RBFOX1: variants seen among roughly 807,000 people sequenced by gnomAD.
RBFOX1 encodes the protein RNA binding protein fox-1 homolog 1.
A neutral mutation model predicts 57.7 loss-of-function variants in RBFOX1; 8 were observed. The ratio of observed to expected loss-of-function variants is 0.14; its 90% CI spans 0.08 to 0.25. The LOEUF (loss-of-function observed/expected upper bound fraction) is 0.25, where lower values mean the gene tolerates loss of function less well. Ranked by LOEUF, RBFOX1 falls within the 10% of genes least tolerant of loss-of-function variation. The pLI, the probability that RBFOX1 is intolerant of heterozygous loss-of-function variation, is 1.00. For missense variants in RBFOX1, 611 were observed against 548.5 expected (o/e 1.11, Z -1.14); for synonymous variants, 326 against 222.4 (o/e 1.47, Z -4.15).
chr16:6,232,078 C>G (rs2097466184), intron 1 of RBFOX1, among the ~76,000 whole-genome samples: 1 of 152,096 alleles, frequency 6.6e-6, no homozygotes, highest in African/African-American at 2.4e-5. Context: ...CCTCCGTGAG[C>G]TTTGTGTTTC....
chr16:6,258,005 C>G (rs1020992257), intron 1 of RBFOX1, among the ~76,000 whole-genome samples: 3 of 152,174 alleles, frequency 2.0e-5, no homozygotes, highest in Admixed American at 6.6e-5. Flanking sequence ...GCCACACTGC[C>G]TTCTACAAAG....
chr16:6,942,669 G>C (rs2078758790), intron 3 of RBFOX1, among the ~76,000 whole-genome samples: 1 of 152,148 alleles, frequency 6.6e-6, no homozygotes, highest in Admixed American at 6.5e-5. Context: ...GGATAAGATG[G>C]TGTCTGACTT....
chr16:5,335,011 A>G (rs758436244), intron 1 of RBFOX1, among the ~76,000 whole-genome samples: 3 of 152,126 alleles, frequency 2.0e-5, no homozygotes, highest in Non-Finnish European at 4.4e-5. Flanking sequence ...AGTATGCCCA[A>G]TTTCAATTCT....
At chr16:6,495,745 T>C (rs1358659231) in intron 2 of RBFOX1, among the ~76,000 whole-genome samples, 1 of 152,160 alleles carries the variant, frequency 6.6e-6, no homozygotes, top group African/African-American at 2.4e-5. Flanking sequence ...CAGCTCTCAA[T>C]AGCAGTATGT....
intron 4 of RBFOX1, among the ~76,000 whole-genome samples, chr16:7,262,761 A>C (rs2094967885): frequency 2.0e-5 from 3 of 152,264 alleles, no homozygotes; most frequent in Non-Finnish European, 2.9e-5. Flanking sequence ...ATGGCAGAAG[A>C]GTTACTGCAA....
intron 3 of RBFOX1, among the ~76,000 whole-genome samples, chr16:5,613,985 G>C (rs938503048): frequency 2.7e-5 from 4 of 149,496 alleles, no homozygotes; most frequent in African/African-American, 9.9e-5. Context: ...ACCTAGGTCA[G>C]TTCCCTCCAC....
chr16:5,266,744 AG>A (rs937722532), intron 1 of RBFOX1, among the ~76,000 whole-genome samples: 16 of 150,846 alleles, frequency 1.1e-4, no homozygotes, highest in African/African-American at 3.2e-4. Flanking sequence ...TTTTGCAGAG[AG>A]GGGGGGTCTC....
chr16:6,653,725 A>G (rs2098619970), intron 2 of RBFOX1, among the ~76,000 whole-genome samples: 1 of 150,876 alleles, frequency 6.6e-6, no homozygotes, highest in African/African-American at 2.4e-5. Flanking sequence ...ATGAGTGGAT[A>G]GAGGATGGAT....
chr16:6,895,187 G>T (rs1250064794), intron 3 of RBFOX1, among the ~76,000 whole-genome samples: 1 of 151,916 alleles, frequency 6.6e-6, no homozygotes, highest in Admixed American at 6.6e-5. Context: ...CTCTAGTTTT[G>T]TGATGTTCTA....
At position 6,384,625 on chromosome 16, in the gene RBFOX1, G is replaced by A. The variant is rs75976502; in HGVS notation, c.-64+67568G>A. Among the ~76,000 whole-genome samples, 1,176 of 152,232 alleles carry A rather than the reference G, an allele frequency of 7.7e-3. 13 individuals are homozygous for A. The highest frequency in any genetic ancestry group is 0.027 in the African/African-American group (1,110 of 41,528). On this transcript the variant is annotated intron_variant, in intron 2 of 15. Transcript: ENST00000550418. Reference sequence around the variant, plus strand: ...GAGGTCATCTAATTCGTCTCCTTTTGCAATTACAGAATTATTTCTTTGAAG... The same window carrying A: ...GAGGTCATCTAATTCGTCTCCTTTTACAATTACAGAATTATTTCTTTGAAG...
At chr16:6,905,765 G>A (rs977283088) in intron 3 of RBFOX1, among the ~76,000 whole-genome samples, 1 of 152,188 alleles carries the variant, frequency 6.6e-6, no homozygotes, top group Admixed American at 6.5e-5. Context: ...GATGGAAATG[G>A]TATTTTCAAG....
intron 1 of RBFOX1, among the ~76,000 whole-genome samples, chr16:5,272,472 G>T (rs1012750794): frequency 6.6e-6 from 1 of 152,172 alleles, no homozygotes; most frequent in African/African-American, 2.4e-5. Flanking sequence ...GAATGTTGAA[G>T]CCCTACCTGA....
At chr16:6,251,311 G>T (rs1042726291) in intron 1 of RBFOX1, among the ~76,000 whole-genome samples, 1 of 152,090 alleles carries the variant, frequency 6.6e-6, no homozygotes, top group African/African-American at 2.4e-5. Context: ...TTAAACTGGG[G>T]GGAAGCCCTG....
chr16:5,315,454 C>G (rs968774814), intron 1 of RBFOX1, among the ~76,000 whole-genome samples: 3 of 152,150 alleles, frequency 2.0e-5, no homozygotes, highest in African/African-American at 7.2e-5. Context: ...GTTCCTGAGT[C>G]TGGAGTTTCT....
At chr16:7,436,716 G>C (rs1025849216) in intron 4 of RBFOX1, among the ~76,000 whole-genome samples, 6 of 152,174 alleles carry the variant, frequency 3.9e-5, no homozygotes, top group Non-Finnish European at 8.8e-5. Context: ...TCCCATCTCA[G>C]TGAAATAGCT....
chr16:7,160,985 A>C (rs1196986759), intron 4 of RBFOX1, among the ~76,000 whole-genome samples: 2 of 152,226 alleles, frequency 1.3e-5, no homozygotes, highest in Non-Finnish European at 1.5e-5. Flanking sequence ...AGGAAAAAGA[A>C]GCTAACCCTT....
At chr16:7,394,956 C>T (rs189036793) in intron 4 of RBFOX1, among the ~76,000 whole-genome samples, 6 of 152,254 alleles carry the variant, frequency 3.9e-5, no homozygotes, top group South Asian at 2.1e-4. Flanking sequence ...AGAATATATA[C>T]CCATCATGGT....
chr16:6,353,668 C>T (rs993695692), intron 2 of RBFOX1, among the ~76,000 whole-genome samples: 5 of 152,088 alleles, frequency 3.3e-5, no homozygotes, highest in African/African-American at 1.2e-4. Context: ...CCCTCGATGT[C>T]CCTAGCCCTT....
intron 4 of RBFOX1, among the ~76,000 whole-genome samples, chr16:6,007,402 C>G (rs1362597751): frequency 6.6e-6 from 1 of 152,190 alleles, no homozygotes; most frequent in Admixed American, 6.5e-5. Flanking sequence ...GAACTGAATC[C>G]TGCCAGTAGT....
Sources: gnomAD v4.1 joint callset for allele counts (sites outside exome capture counted in the v4.1 genomes callset) on GRCh38, gnomAD v4.1.1 for gene constraint, MANE v1.5 for transcripts, NCBI Gene and HGNC (gene_info 2026-07-23, HGNC 2026-07-21) for gene names.